Variants in QSOX2 observed in about 807,000 individuals in gnomAD.
QSOX2 encodes the protein quiescin sulfhydryl oxidase 2.
Under a neutral mutation model 61.7 loss-of-function variants are expected in QSOX2, and 46 were observed. The observed-to-expected ratio is 0.75, with a 90% CI of 0.59 to 0.95. QSOX2 has a LOEUF of 0.95. Ranked by LOEUF, QSOX2 falls within the 40% of genes least tolerant of loss-of-function variation. The pLI, the probability that QSOX2 is intolerant of heterozygous loss-of-function variation, is 0.00. For synonymous variants in QSOX2, 383 were observed against 388.4 expected (o/e 0.99, Z 0.16); for missense variants, 879 against 918.9 (o/e 0.96, Z 0.56).
chr9:136,234,627 C>T (rs372703007), intron 1 of QSOX2, among the ~76,000 whole-genome samples: 24 of 152,332 alleles, frequency 1.6e-4, no homozygotes, highest in African/African-American at 3.6e-4. Context: ...CCTTCCTGGG[C>T]GTGAGGCTGC....
At chr9:136,212,841 G>A (rs1831863426) in intron 10 of QSOX2, among the ~76,000 whole-genome samples, 1 of 152,226 alleles carries the variant, frequency 6.6e-6, no homozygotes, top group Non-Finnish European at 1.5e-5. Context: ...GTAAAGAGAA[G>A]AAAAACCTTC....
intron 1 of QSOX2, among the ~76,000 whole-genome samples, chr9:136,234,410 C>T (rs1052386149): frequency 2.6e-5 from 4 of 152,178 alleles, no homozygotes; most frequent in African/African-American, 4.8e-5. Context: ...GCACACGTAA[C>T]GGGAGTGCTG....
chr9:136,244,054 A>C (rs1588643364), intron 1 of QSOX2, among the ~76,000 whole-genome samples: 1 of 151,666 alleles, frequency 6.6e-6, no homozygotes, highest in Non-Finnish European at 1.5e-5. Context: ...CAGCGACTCA[A>C]CTGAAAAAAA....
At chr9:136,211,815 G>A (rs1318797227) in intron 10 of QSOX2, among the ~76,000 whole-genome samples, 2 of 152,158 alleles carry the variant, frequency 1.3e-5, no homozygotes, top group African/African-American at 4.8e-5. Flanking sequence ...GTGCCAGAAC[G>A]CCCGGAGTGC....
chr9:136,210,988 C>G, intron 11 of QSOX2: 1 of 769,856 alleles, frequency 1.3e-6, no homozygotes, highest in Non-Finnish European at 1.6e-6. Flanking sequence ...CCAGTGGGTA[C>G]CGATGGGGGA....
chr9:136,219,368 C>T (rs1831954401), intron 6 of QSOX2, among the ~76,000 whole-genome samples: 1 of 152,214 alleles, frequency 6.6e-6, no homozygotes, highest in African/African-American at 2.4e-5. Context: ...CACACCAAAT[C>T]CACAGATTTA....
chr9:136,244,030 C>G (rs566099147), intron 1 of QSOX2, among the ~76,000 whole-genome samples: 3 of 151,660 alleles, frequency 2.0e-5, no homozygotes, highest in African/African-American at 4.8e-5. Context: ...GAATCTGGTA[C>G]GATCTTTAGA....
chr9:136,245,611 C>G lies in QSOX2; in HGVS notation c.193G>C (p.Val65Leu). The change falls in exon 1 of 12, where the codon GTG becomes CTG. Residue 65 changes from valine (V) to leucine (L), a missense_variant. Val to Leu is a conservative substitution (Grantham distance 32). Coordinates refer to ENST00000358701, the MANE Select transcript of QSOX2 (RefSeq NM_181701.4). ...LYRAGEDAVW[V>L]LDSGSVRGAT... Reference sequence around the variant, plus strand: ...CCGCGCACGCTGCCGCTGTCCAGCACCCACACGGCGTCCTCGCCCGCGCGG... The same window carrying G: ...CCGCGCACGCTGCCGCTGTCCAGCAGCCACACGGCGTCCTCGCCCGCGCGG... The G allele has an allele frequency of 6.4e-7, 1 of 1,551,982 alleles. No individual in the cohort carries two copies. The highest frequency in any genetic ancestry group is 8.6e-7 in the Non-Finnish European group (1 of 1,159,726).
rs542292755 is a variant in QSOX2, at chr9:136,209,932, C to T, written c.1550-657G>A. ...GTCATGCAGAAGCTGCGGCGCACGG[C>T]GCCTCCTAGCTCTCGGAGCCCCTGC... On this transcript the variant is annotated intron_variant, in intron 11 of 11. Transcript: ENST00000358701. The surrounding 1 kb of genome is among the most constrained non-coding windows in gnomAD (Gnocchi z 5.6). 14 of 985,400 alleles carry T rather than the reference C, an allele frequency of 1.4e-5. No homozygotes were observed. Among genetic ancestry groups the T allele is most frequent in the East Asian group, 1.1e-4 (1 of 8,768 alleles). 61.0% of individuals were successfully genotyped at this position (985,400 alleles called of 1,614,324 possible). A position where few individuals can be genotyped will look rare whatever the true frequency, so the allele number is the denominator to read the frequency against.
intron 1 of QSOX2, among the ~76,000 whole-genome samples, chr9:136,230,383 A>C (rs1830319430): frequency 6.6e-6 from 1 of 152,222 alleles, no homozygotes; most frequent in Non-Finnish European, 1.5e-5. Context: ...CCTGCAGTAA[A>C]CAACTCTGTA....
chr9:136,224,812 G>T, intron 3 of QSOX2, 49 bp downstream of exon 3: 1 of 1,368,026 alleles, frequency 7.3e-7, no homozygotes, highest in Non-Finnish European at 1.0e-6. Context: ...TCTTTAGCAG[G>T]TTTATGAGGG....
rs1256966007 is a variant in QSOX2, at chr9:136,245,742, C to G, written c.62G>C (p.Arg21Thr). ...SPGIGAGPAL[R>T]ARRSPPPRAA... Reference sequence around the variant, plus strand: ...CCGCGGCGGGGGCGAGCGCCGGGCTCTCAGCGCAGGTCCCGCTCCGATTCC... The same window carrying G: ...CCGCGGCGGGGGCGAGCGCCGGGCTGTCAGCGCAGGTCCCGCTCCGATTCC... Residue 21 changes from arginine (R) to threonine (T), a missense_variant, in exon 1 of 12, where the codon AGA becomes ACA. Transcript: ENST00000358701. The G allele has an allele frequency of 8.7e-7, 1 of 1,154,294 alleles. No homozygotes were observed. The highest frequency in any genetic ancestry group is 1.6e-5 in the African/African-American group (1 of 61,156). The allele number at this position is 1,154,294 out of a possible 1,614,324, so 71.5% of individuals were successfully genotyped here. A position where few individuals can be genotyped will look rare whatever the true frequency, so the allele number is the denominator to read the frequency against.
chr9:136,242,392 CA>C (rs1335150252), intron 1 of QSOX2, among the ~76,000 whole-genome samples: 1 of 152,252 alleles, frequency 6.6e-6, no homozygotes, highest in Non-Finnish European at 1.5e-5. Flanking sequence ...GGGCGCTGGC[CA>C]GGGGGACCAG....
At chr9:136,230,312 T>G (rs1281037733) in intron 1 of QSOX2, among the ~76,000 whole-genome samples, 1 of 152,154 alleles carries the variant, frequency 6.6e-6, no homozygotes, top group African/African-American at 2.4e-5. Context: ...CTCCTGAATC[T>G]CAGGCAGCGC....
chr9:136,236,447 A>C (rs541785438), intron 1 of QSOX2, among the ~76,000 whole-genome samples: 5 of 152,044 alleles, frequency 3.3e-5, no homozygotes, highest in African/African-American at 1.2e-4. Context: ...GACAGAAAAA[A>C]CCCACCTTGC....
chr9:136,212,497 G>A (rs556535480), intron 10 of QSOX2, among the ~76,000 whole-genome samples: 9 of 152,342 alleles, frequency 5.9e-5, no homozygotes, highest in Non-Finnish European at 1.0e-4. Context: ...CCCAAATCCC[G>A]ACACTTCTTG....
chr9:136,209,980 C>T lies in QSOX2; in HGVS notation c.1550-705G>A. 1 of 985,452 alleles carries T rather than the reference C, an allele frequency of 1.0e-6. No individual in the cohort carries two copies. Among genetic ancestry groups the T allele is most frequent in the South Asian group, 4.7e-5 (1 of 21,292 alleles). 61.0% of individuals were successfully genotyped at this position (985,452 alleles called of 1,614,324 possible). ...TGCGACCCGACTTGCTGACACCTGGCCACCCTCACAGAGCTTCCAGAAGTG... is the reference window on the plus strand; with the variant it reads ...TGCGACCCGACTTGCTGACACCTGGTCACCCTCACAGAGCTTCCAGAAGTG... On this transcript the variant is annotated intron_variant, in intron 11 of 11. Coordinates refer to ENST00000358701, the MANE Select transcript of QSOX2 (RefSeq NM_181701.4). The surrounding 1 kb of genome is among the most constrained non-coding windows in gnomAD (Gnocchi z 5.6).
chr9:136,237,443 A>AT (rs1588641431), intron 1 of QSOX2, among the ~76,000 whole-genome samples: 3 of 123,520 alleles, frequency 2.4e-5, no homozygotes, highest in Admixed American at 8.9e-5. Flanking sequence ...GTCCTGTGCC[A>AT]CACCTGGAGC....
At chr9:136,218,915 C>A in intron 7 of QSOX2, 107 bp from the exon 8 acceptor site, 1 of 1,566,186 alleles carries the variant, frequency 6.4e-7, no homozygotes, top group Non-Finnish European at 8.7e-7. Flanking sequence ...TGGGAGGGCT[C>A]CTGAGCGGCC....
Sources: gnomAD v4.1 joint callset for allele counts (sites outside exome capture counted in the v4.1 genomes callset) on GRCh38, gnomAD v4.1.1 for gene constraint, Gnocchi (gnomAD v3.1) non-coding constraint, MANE v1.5 for transcripts, NCBI Gene and HGNC (gene_info 2026-07-23, HGNC 2026-07-21) for gene names.